The following METTL15 variants were observed in gnomAD, a reference collection of about 807,000 sequenced individuals.
METTL15 encodes the protein methyltransferase 15, mitochondrial 12S rRNA N4-cytidine.
A neutral mutation model predicts 38.3 loss-of-function variants in METTL15; 34 were observed. That is an observed-to-expected ratio of 0.89 (90% CI 0.68 to 1.18). The LOEUF is 1.18. METTL15 is among the 50% of genes most tolerant of loss of function. The probability of loss-of-function intolerance (pLI) is 0.00; values close to 1 mark genes in which losing one functional copy is unlikely to be tolerated. For missense variants in METTL15, 438 were observed against 498.4 expected, an observed-to-expected ratio of 0.88 and a Z score of 1.15; for synonymous variants, 162 against 170.9, an observed-to-expected ratio of 0.95 and a Z score of 0.41.
Position 28,283,993 on chromosome 11 carries a change from A to G in METTL15, c.408-6213A>G, listed in dbSNP as rs749199277. 2.6e-5 allele frequency among the ~76,000 whole-genome samples: 4 copies of G among 152,294 alleles called. No homozygotes were observed. In the South Asian group the frequency reaches 6.2e-4, roughly 24 times the overall value. On this transcript the variant is annotated intron_variant, in intron 4 of 6. Transcript: ENST00000407364. ...GTGGGTGAGGGAAAAGTGGGCATGT[A>G]ATCTGCCTATCTAGGAAAATTAGCC...
chr11:28,230,599 T>C (rs905341978), intron 4 of METTL15, among the ~76,000 whole-genome samples: 2 of 151,938 alleles, frequency 1.3e-5, no homozygotes, highest in African/African-American at 2.4e-5. Context: ...AGTAGAACCC[T>C]TCATGTTTGG....
intron 4 of METTL15, among the ~76,000 whole-genome samples, chr11:28,217,308 G>A (rs1178396695): frequency 6.6e-6 from 1 of 152,122 alleles, no homozygotes; most frequent in African/African-American, 2.4e-5. Context: ...TTCTCTGATG[G>A]CCAGTGATGA....
chr11:28,501,492 G>A (rs1299730647), intron 6 of METTL15, among the ~76,000 whole-genome samples: 1 of 152,176 alleles, frequency 6.6e-6, no homozygotes, highest in Non-Finnish European at 1.5e-5. Context: ...TATCTGAGGA[G>A]TTTGCCAGAA....
At chr11:28,273,391 T>C (rs1053988068) in intron 4 of METTL15, among the ~76,000 whole-genome samples, 6 of 152,124 alleles carry the variant, frequency 3.9e-5, no homozygotes, top group African/African-American at 1.4e-4. Context: ...AATGTGTTAC[T>C]AGATAAAATC....
chr11:28,260,681 C>T (rs933098334), intron 4 of METTL15, among the ~76,000 whole-genome samples: 2 of 152,104 alleles, frequency 1.3e-5, no homozygotes, highest in African/African-American at 4.8e-5. Flanking sequence ...ATTATAGACA[C>T]AGAAAACCTT....
intron 6 of METTL15, among the ~76,000 whole-genome samples, chr11:28,525,571 G>A (rs1040638186): frequency 9.9e-5 from 15 of 151,928 alleles, no homozygotes; most frequent in Non-Finnish European, 1.5e-4. Context: ...GACACAGAGC[G>A]CTGATTGGTG....
intron 4 of METTL15, among the ~76,000 whole-genome samples, chr11:28,220,454 T>G (rs1489920224): frequency 6.6e-6 from 1 of 152,206 alleles, no homozygotes. Context: ...CCTATGTGTG[T>G]CTCTGCACAT....
At chr11:28,162,910 C>G (rs1850519374) in intron 3 of METTL15, among the ~76,000 whole-genome samples, 2 of 151,978 alleles carry the variant, frequency 1.3e-5, no homozygotes, top group Admixed American at 1.3e-4. Context: ...AATTGTAAGT[C>G]AAACCATCAT....
intron 4 of METTL15, among the ~76,000 whole-genome samples, chr11:28,256,044 T>C (rs1454813454): frequency 6.6e-6 from 1 of 152,242 alleles, no homozygotes; most frequent in Admixed American, 6.5e-5. Context: ...ATCCCAGGGA[T>C]AAATCCCACT....
chr11:28,432,927 A>G (rs1195660240), intron 6 of METTL15, among the ~76,000 whole-genome samples: 1 of 25,414 alleles, frequency 3.9e-5, no homozygotes, highest in Non-Finnish European at 8.5e-5. Context: ...CTTTTTTTCC[A>G]CATTTTTTTT....
At chr11:28,496,494 A>G (rs541093546) in intron 6 of METTL15, among the ~76,000 whole-genome samples, 6 of 152,320 alleles carry the variant, frequency 3.9e-5, no homozygotes, top group Admixed American at 2.0e-4. Context: ...CTTAAAAGCT[A>G]TTTGAACCAC....
chr11:28,225,511 A>G (rs1195571591), intron 4 of METTL15, among the ~76,000 whole-genome samples: 2 of 151,396 alleles, frequency 1.3e-5, no homozygotes, highest in African/African-American at 4.8e-5. Flanking sequence ...TTCTGGTTGT[A>G]GTATTGTGGA....
chr11:28,210,941 A>G (rs553749733), intron 3 of METTL15, 121 bp from the exon 4 acceptor site: 20 of 1,041,836 alleles, frequency 1.9e-5, no homozygotes, highest in Admixed American at 1.1e-4. Flanking sequence ...CAACGATTGT[A>G]ATTATTTTCC....
intron 6 of METTL15, among the ~76,000 whole-genome samples, chr11:28,513,639 A>T (rs1193422211): frequency 6.6e-6 from 1 of 152,198 alleles, no homozygotes; most frequent in South Asian, 2.1e-4. Flanking sequence ...AGATTTACCC[A>T]CCTATTTATT....
chr11:28,268,366 AT>A lies in METTL15; in HGVS notation c.408-21838del, dbSNP rs1038093932. On this transcript the variant is annotated intron_variant, in intron 4 of 6. Transcript: ENST00000407364. Reference sequence around the variant, plus strand: ...TTAAGTAAGTATTGATAATGAAATGATTAGGAGTTTTTTCCTGCTTCACCTA... The same window carrying A: ...TTAAGTAAGTATTGATAATGAAATGATAGGAGTTTTTTCCTGCTTCACCTA... 5.3e-5 allele frequency among the ~76,000 whole-genome samples: 8 copies of A among 152,054 alleles called. No homozygotes were observed. The East Asian group carries it at 1.5e-3, about 29-fold the overall frequency.
At chr11:28,393,800 A>G (rs1850538816) in intron 5 of METTL15, among the ~76,000 whole-genome samples, 1 of 152,090 alleles carries the variant, frequency 6.6e-6, no homozygotes, top group South Asian at 2.1e-4. Flanking sequence ...CTATATACGG[A>G]TGTGAACACC....
At chr11:28,336,739 C>T (rs1474925315), downstream of METTL15, among the ~76,000 whole-genome samples, 1 of 152,214 alleles carries the variant, frequency 6.6e-6, no homozygotes, top group Non-Finnish European at 1.5e-5. Flanking sequence ...TGCTGTTAAC[C>T]TGCACTGCCA....
chr11:28,402,820 T>C (rs531445891), intron 5 of METTL15, among the ~76,000 whole-genome samples: 2 of 151,996 alleles, frequency 1.3e-5, no homozygotes, highest in South Asian at 4.1e-4. Context: ...TAATTTCTTA[T>C]CCCTCACCCT....
intron 5 of METTL15, among the ~76,000 whole-genome samples, chr11:28,291,770 G>C (rs1278019022): frequency 6.6e-6 from 1 of 151,988 alleles, no homozygotes; most frequent in Non-Finnish European, 1.5e-5. Context: ...AAAACATCAA[G>C]CCAATTTCTG....
Sources: gnomAD v4.1 joint callset for allele counts (sites outside exome capture counted in the v4.1 genomes callset) on GRCh38, gnomAD v4.1.1 for gene constraint, MANE v1.5 for transcripts, NCBI Gene and HGNC (gene_info 2026-07-23, HGNC 2026-07-21) for gene names.